Variants in OSMR observed in about 807,000 individuals in gnomAD.
OSMR encodes oncostatin M receptor.
A neutral mutation model predicts 99.9 loss-of-function variants in OSMR; 81 were observed. The observed-to-expected ratio is 0.81, with a 90% confidence interval of 0.68 to 0.97. OSMR has a LOEUF of 0.97. Ranked by LOEUF, OSMR falls within the 50% of genes least tolerant of loss-of-function variation. The probability of loss-of-function intolerance (pLI) is 0.00; values close to 1 mark genes in which losing one functional copy is unlikely to be tolerated. For synonymous variants in OSMR, 406 were observed against 410.4 expected (o/e 0.99, Z 0.13); for missense variants, 1,099 against 1,153.4 (o/e 0.95, Z 0.68).
chr5:38,933,691 G>A lies in OSMR; in HGVS notation c.*247G>A. 1.8e-6 allele frequency: 1 copy of A among 543,498 alleles called. No individual in the cohort carries two copies. 33.7% of individuals were successfully genotyped at this position (543,498 alleles called of 1,614,324 possible). Reference sequence around the variant, plus strand: ...TGCTTACCTTCTGCTGTTTGTTCCAGGCTCACCTTTAGAACAGGAGACTTG... The same window carrying A: ...TGCTTACCTTCTGCTGTTTGTTCCAAGCTCACCTTTAGAACAGGAGACTTG... On this transcript the variant is annotated 3_prime_UTR_variant, in exon 18 of 18. Coordinates refer to ENST00000274276, the MANE Select transcript of OSMR (RefSeq NM_003999.3).
At chr5:38,876,061 C>T in intron 2 of OSMR, 140 bp from the exon 3 acceptor site, 2 of 1,225,720 alleles carry the variant, frequency 1.6e-6, no homozygotes, top group Non-Finnish European at 2.2e-6. Flanking sequence ...TCCAGATTTC[C>T]AAGGTGTCTG....
intron 15 of OSMR, among the ~76,000 whole-genome samples, chr5:38,931,373 G>C (rs1332022661): frequency 6.6e-6 from 1 of 152,142 alleles, no homozygotes; most frequent in Non-Finnish European, 1.5e-5. Context: ...TTTGTTTCAC[G>C]CATCTTCATT....
intron 1 of OSMR, among the ~76,000 whole-genome samples, chr5:38,851,597 A>G (rs944200208): frequency 6.6e-6 from 1 of 152,182 alleles, no homozygotes; most frequent in Non-Finnish European, 1.5e-5. Flanking sequence ...GCAGTGTCTG[A>G]AGGCTGTCAG....
At chr5:38,916,270 T>A (rs1307038731) in intron 9 of OSMR, among the ~76,000 whole-genome samples, 1 of 152,222 alleles carries the variant, frequency 6.6e-6, no homozygotes, top group Admixed American at 6.5e-5. Context: ...AGATTTTTTT[T>A]AAATGAGAAT....
intron 1 of OSMR, among the ~76,000 whole-genome samples, chr5:38,853,579 A>G (rs1335803369): frequency 6.6e-6 from 1 of 152,174 alleles, no homozygotes; most frequent in Non-Finnish European, 1.5e-5. Flanking sequence ...GATTTCTGTG[A>G]TCTCAAAAGT....
intron 7 of OSMR, among the ~76,000 whole-genome samples, chr5:38,892,679 A>T (rs1470490332): frequency 6.6e-6 from 1 of 152,174 alleles, no homozygotes; most frequent in Non-Finnish European, 1.5e-5. Context: ...TCATGAGATT[A>T]TGCTGTGAAA....
chr5:38,907,504 C>A (rs1745320873), intron 9 of OSMR, among the ~76,000 whole-genome samples: 1 of 152,178 alleles, frequency 6.6e-6, no homozygotes, highest in African/African-American at 2.4e-5. Flanking sequence ...CAAAGGGTGA[C>A]CATGAGACCT....
rs567145107 is a variant in OSMR, at chr5:38,912,169, A to T, written c.1286-5377A>T. 3.3e-5 allele frequency among the ~76,000 whole-genome samples: 5 copies of T among 152,170 alleles called. No homozygotes were observed. In the South Asian group the frequency reaches 1.0e-3, roughly 32 times the overall value. On this transcript the variant is annotated intron_variant, in intron 9 of 17. Coordinates refer to ENST00000274276, the MANE Select transcript of OSMR (RefSeq NM_003999.3). ...GGTGATATGATTGTATACCTAGAAA[A>T]CCCCATAGTCTCTGCATAAAAGCTC...
At chr5:38,917,462 G>A (rs1279130452) in intron 9 of OSMR, 84 bp from the exon 10 acceptor site, 3 of 1,574,162 alleles carry the variant, frequency 1.9e-6, no homozygotes, top group Non-Finnish European at 2.6e-6. Flanking sequence ...TAATTGTCAT[G>A]TCCTTGACCG....
At chr5:38,916,835 C>T (rs778075782) in intron 9 of OSMR, among the ~76,000 whole-genome samples, 9 of 152,112 alleles carry the variant, frequency 5.9e-5, no homozygotes, top group African/African-American at 1.2e-4. Flanking sequence ...AGAGCTTTCA[C>T]GAAGTGCCAG....
downstream of OSMR, chr5:38,939,680 C>T (rs1472368190): frequency 1.7e-5 from 4 of 230,174 alleles, no homozygotes; most frequent in African/African-American, 6.6e-5. Flanking sequence ...CAGATTCCTC[C>T]CAATTATTCA....
Position 38,923,164 on chromosome 5 carries a change from G to C in OSMR, c.1780G>C (p.Gly594Arg). ...TVISTDAFRP[G>R]VRYDFRIYGL... is the part of the protein sequence containing the mutation. Reference sequence around the variant, plus strand: ...TTTTTCCCTAGATGCTTTTAGGCCAGGAGTTCGATATGACTTCAGAATTTA... The same window carrying C: ...TTTTTCCCTAGATGCTTTTAGGCCACGAGTTCGATATGACTTCAGAATTTA... The change falls in exon 13 of 18, where the codon GGA becomes CGA. Residue 594 changes from glycine (G) to arginine (R), a missense_variant. Gly to Arg is a moderately radical substitution (Grantham distance 125, BLOSUM62 -2). Coordinates refer to ENST00000274276, the MANE Select transcript of OSMR (RefSeq NM_003999.3). 3 of 1,613,346 alleles carry C rather than the reference G, an allele frequency of 1.9e-6. No homozygotes were observed. Among genetic ancestry groups the C allele is most frequent in the Non-Finnish European group, 2.5e-6 (3 of 1,179,330 alleles).
rs140318192 is a variant in OSMR at position 38,944,547 on chromosome 5, A to G, written c.*86+228A>G. On this transcript the variant is annotated intron_variant and NMD_transcript_variant, in intron 2 of 2. Coordinates refer to the OSMR transcript ENST00000508882. Reference sequence around the variant, plus strand: ...GAAGGAGTATACGGCACATTGGTGTATCATCTGGAATTGTTTTAACACCTG... The same window carrying G: ...GAAGGAGTATACGGCACATTGGTGTGTCATCTGGAATTGTTTTAACACCTG... 9 of 1,602,714 alleles carry G rather than the reference A, an allele frequency of 5.6e-6. No individual in the cohort carries two copies. In the African/African-American group the frequency reaches 1.1e-4, roughly 19 times the overall value.
chr5:38,902,742 G>C (rs553407515), intron 7 of OSMR, among the ~76,000 whole-genome samples: 33 of 152,234 alleles, frequency 2.2e-4, no homozygotes, highest in African/African-American at 7.0e-4. Flanking sequence ...CTTGAGTCAC[G>C]TTCTCTGTGA....
intron 9 of OSMR, among the ~76,000 whole-genome samples, chr5:38,905,327 A>G (rs935963302): frequency 2.0e-5 from 3 of 152,038 alleles, no homozygotes; most frequent in Non-Finnish European, 4.4e-5. Context: ...CATCTCTACT[A>G]AAAATATAAA....
rs145282093 is a variant in OSMR, at chr5:38,869,741, C to T, written c.73+624C>T. On this transcript the variant is annotated intron_variant, in intron 2 of 17. Transcript: ENST00000274276. ...TAAGGTCAATAAGAATTTAATACCT[C>T]TAAAATATTTATTGATACTATATTA... 4.7e-3 allele frequency among the ~76,000 whole-genome samples: 722 copies of T among 152,254 alleles called. 4 individuals carry two copies. Among genetic ancestry groups the T allele is most frequent in the African/African-American group, 0.016 (679 of 41,554 alleles).
At chr5:38,930,370 G>C (rs760004910) in intron 15 of OSMR, among the ~76,000 whole-genome samples, 1 of 152,060 alleles carries the variant, frequency 6.6e-6, no homozygotes, top group East Asian at 1.9e-4. Context: ...CATAGCACGG[G>C]CTTGTGCATC....
chr5:38,916,030 G>GT (rs956918478), intron 9 of OSMR, among the ~76,000 whole-genome samples: 13 of 152,172 alleles, frequency 8.5e-5, no homozygotes, highest in Admixed American at 2.6e-4. Context: ...ACTACTTCTT[G>GT]TTGTACTATT....
At chr5:38,943,809 T>C (rs1204758722) in intron 1 of OSMR, among the ~76,000 whole-genome samples, 1 of 152,038 alleles carries the variant, frequency 6.6e-6, no homozygotes, top group African/African-American at 2.4e-5. Context: ...CAAGACTCCG[T>C]CTCAAAAAAG....
Sources: allele counts gnomAD v4.1 joint callset (sites outside exome capture counted in the v4.1 genomes callset), GRCh38; gene constraint gnomAD v4.1.1; transcripts MANE v1.5; gene names NCBI Gene and HGNC (gene_info 2026-07-23, HGNC 2026-07-21).